Variants in HMGA2 observed in about 807,000 individuals in gnomAD.
HMGA2 encodes high mobility group AT-hook 2.
Under a neutral mutation model 19.1 loss-of-function variants are expected in HMGA2, and 8 were observed. That is an observed-to-expected ratio of 0.42 (90% CI 0.25 to 0.76). HMGA2 has a LOEUF of 0.76. Among genes scored for constraint, HMGA2 ranks in the 30% least tolerant of loss-of-function variants. The pLI, the probability that HMGA2 is intolerant of heterozygous loss-of-function variation, is 0.28. For synonymous variants in HMGA2, 60 were observed against 48.8 expected (o/e 1.23, Z -0.96); for missense variants, 109 against 136.3 (o/e 0.80, Z 1.00).
chr12:65,886,007 C>T (rs1304897279), intron 3 of HMGA2, among the ~76,000 whole-genome samples: 2 of 152,144 alleles, frequency 1.3e-5, no homozygotes, highest in East Asian at 3.8e-4. Flanking sequence ...ATCCTTAGTC[C>T]AGCAGCCCAA....
At position 65,838,504 on chromosome 12, in the gene HMGA2, C is replaced by A. The variant is rs369358604; in HGVS notation, c.199-15C>A. 3.2e-5 allele frequency: 52 copies of A among 1,605,610 alleles called. No homozygotes were observed. In the African/African-American group the frequency reaches 6.0e-4, roughly 19 times the overall value. ...TCAGGTAGAAAACTATAATGACTTC[C>A]TTTTTCATTTGCAGAAAGCAGAAGC... On this transcript the variant is annotated splice_polypyrimidine_tract_variant and intron_variant, in intron 2 of 4. Transcript: ENST00000403681.
intron 3 of HMGA2, among the ~76,000 whole-genome samples, chr12:65,840,079 A>G (rs889237948): frequency 2.0e-5 from 3 of 152,150 alleles, no homozygotes; most frequent in Non-Finnish European, 4.4e-5. Context: ...TTCTTTTCTG[A>G]ACATGTTTGT....
At chr12:65,917,659 G>A (rs946528075) in intron 3 of HMGA2, among the ~76,000 whole-genome samples, 8 of 152,108 alleles carry the variant, frequency 5.3e-5, no homozygotes, top group African/African-American at 1.7e-4. Flanking sequence ...GAAGGACAAG[G>A]AAGAGACAGA....
At chr12:65,875,268 C>T (rs1339317601) in intron 3 of HMGA2, among the ~76,000 whole-genome samples, 1 of 152,118 alleles carries the variant, frequency 6.6e-6, no homozygotes, top group Admixed American at 6.6e-5. Flanking sequence ...AATTGAATAG[C>T]TGTGTTCCTG....
chr12:65,854,757 T>G (rs2120940865), intron 3 of HMGA2, among the ~76,000 whole-genome samples: 1 of 152,334 alleles, frequency 6.6e-6, no homozygotes, highest in Non-Finnish European at 1.5e-5. Flanking sequence ...AGACTGTCAG[T>G]TGCTCAGGAG....
At chr12:65,841,395 T>C (rs1383350782) in intron 3 of HMGA2, among the ~76,000 whole-genome samples, 1 of 152,226 alleles carries the variant, frequency 6.6e-6, no homozygotes, top group African/African-American at 2.4e-5. Context: ...AGAAGAGTTG[T>C]TCTACTGAGA....
At chr12:65,866,713 A>G (rs1392933028) in intron 3 of HMGA2, 3 of 428,302 alleles carry the variant, frequency 7.0e-6, no homozygotes, top group Non-Finnish European at 1.4e-5. Flanking sequence ...CTCATTCTTC[A>G]TTACAAATTT....
intron 2 of HMGA2, chr12:65,828,856 TTAAGA>T (rs1870350177): frequency 6.6e-6 from 1 of 152,266 alleles, no homozygotes; most frequent in African/African-American, 2.4e-5. Flanking sequence ...AACTTGCAGT[TTAAGA>T]TAACTTCAGG....
At chr12:65,895,540 A>C (rs763584686) in intron 3 of HMGA2, among the ~76,000 whole-genome samples, 25 of 152,224 alleles carry the variant, frequency 1.6e-4, no homozygotes, top group Non-Finnish European at 2.4e-4. Flanking sequence ...GAAGTATAGT[A>C]GACCTGGCAT....
intron 3 of HMGA2, chr12:65,866,972 TGA>T (rs1167422704): frequency 1.5e-5 from 7 of 456,436 alleles, no homozygotes; most frequent in Non-Finnish European, 2.6e-5. Flanking sequence ...AGAGAGAGAT[TGA>T]GAGATTGAAG....
intron 4 of HMGA2, chr12:65,951,622 T>G (rs1226974132): frequency 1.3e-5 from 6 of 479,150 alleles, no homozygotes; most frequent in Non-Finnish European, 2.3e-5. Context: ...TGTAAGGTCT[T>G]AAGTGTACAA....
chr12:65,832,192 T>G (rs555857869), intron 2 of HMGA2, among the ~76,000 whole-genome samples: 1 of 152,132 alleles, frequency 6.6e-6, no homozygotes, highest in South Asian at 2.1e-4. Flanking sequence ...TTCTTTCACT[T>G]TGCCAGGGAA....
At chr12:65,865,641 T>C (rs933479301) in intron 3 of HMGA2, among the ~76,000 whole-genome samples, 1 of 147,686 alleles carries the variant, frequency 6.8e-6, no homozygotes, top group African/African-American at 2.5e-5. Context: ...TTCTTTTTTT[T>C]TTTTTTTTTT....
chr12:65,829,482 T>C (rs1870380238), intron 2 of HMGA2, among the ~76,000 whole-genome samples: 1 of 152,046 alleles, frequency 6.6e-6, no homozygotes, highest in Non-Finnish European at 1.5e-5. Context: ...CCAAGGAGTT[T>C]TTCTATGTTG....
At chr12:65,860,238 C>G (rs1306607683) in intron 3 of HMGA2, 1 of 230,210 alleles carries the variant, frequency 4.3e-6, no homozygotes, top group East Asian at 9.6e-5. Context: ...TAAATATGCT[C>G]GGAACACTTA....
At chr12:65,924,816 A>G (rs1443279270) in intron 3 of HMGA2, among the ~76,000 whole-genome samples, 1 of 152,134 alleles carries the variant, frequency 6.6e-6, no homozygotes, top group Non-Finnish European at 1.5e-5. Context: ...AAAAAAAGTA[A>G]TTGTGAAGTC....
chr12:65,825,331 GC>G lies in HMGA2; in HGVS notation c.65del (p.Pro22GlnfsTer144). On this transcript the variant is annotated frameshift_variant, in exon 1 of 5. Transcript: ENST00000403681. LOFTEE classifies it high-confidence loss of function. The surrounding 1 kb of genome is among the most constrained non-coding windows in gnomAD (Gnocchi z 4.4). The part of the protein sequence containing the change: ...PSTSAQGQPA[A>X]PAPQKRGRGR... ...CACTTCAGCCCAGGGACAACCTGCC[GC>G]CCCAGCGCCTCAGAAGAGAGGACGC... is the stretch of plus-strand genomic sequence containing the variant. 6.5e-7 allele frequency: 1 copy of G among 1,538,518 alleles called. No individual in the cohort carries two copies.
chr12:65,879,167 G>T (rs957857014), intron 3 of HMGA2, among the ~76,000 whole-genome samples: 1 of 152,174 alleles, frequency 6.6e-6, no homozygotes. Flanking sequence ...TAGCTCTGTC[G>T]CCCAGGCGGG....
chr12:65,849,736 A>ATTTTTTTTTTTTTTTTTTTTTTTT (rs34541445), intron 3 of HMGA2, among the ~76,000 whole-genome samples: 5 of 85,122 alleles, frequency 5.9e-5, no homozygotes, highest in African/African-American at 2.2e-4. Context: ...TAGGCTCTGT[A>ATTTTTTTTTTTTTTTTTTTTTTTT]TTTTTTTTTT....
Sources: gnomAD v4.1 joint callset for allele counts (sites outside exome capture counted in the v4.1 genomes callset) on GRCh38, gnomAD v4.1.1 for gene constraint, Gnocchi (gnomAD v3.1) non-coding constraint, MANE v1.5 for transcripts, NCBI Gene and HGNC (gene_info 2026-07-23, HGNC 2026-07-21) for gene names.